The following XRN1 variants were observed in gnomAD, a reference collection of about 807,000 sequenced individuals.
XRN1 encodes strand-exchange protein 1 homolog.
In XRN1, 67 loss-of-function variants were observed where a neutral mutation model predicts 222.3. That is an observed-to-expected ratio of 0.30 (90% CI 0.25 to 0.37). The LOEUF is 0.37. XRN1 is among the 10% of genes least tolerant of loss of function. The probability of loss-of-function intolerance (pLI) is 1.00; values close to 1 mark genes in which losing one functional copy is unlikely to be tolerated. For synonymous variants in XRN1, 643 were observed against 652.4 expected (o/e 0.99, Z 0.22); for missense variants, 1,707 against 2,000.2 (o/e 0.85, Z 2.80).
At chr3:142,380,855 C>G (rs1213527002) in intron 22 of XRN1, among the ~76,000 whole-genome samples, 2 of 152,012 alleles carry the variant, frequency 1.3e-5, no homozygotes, top group Non-Finnish European at 2.9e-5. Flanking sequence ...GCCATGTTGC[C>G]CAGGCTGGTC....
At chr3:142,353,032 C>T (rs1249081450) in intron 32 of XRN1, among the ~76,000 whole-genome samples, 2 of 152,186 alleles carry the variant, frequency 1.3e-5, no homozygotes, top group African/African-American at 4.8e-5. Context: ...CTTTCTTTGT[C>T]TGAGTCTCTA....
chr3:142,412,702 C>A (rs764417982), intron 14 of XRN1, 39 bp from the exon 15 acceptor site: 1 of 1,366,526 alleles, frequency 7.3e-7, no homozygotes, highest in Non-Finnish European at 9.9e-7. Flanking sequence ...AATATAAGAA[C>A]TAATATCAAT....
At chr3:142,360,799 G>A (rs770718303) in intron 29 of XRN1, among the ~76,000 whole-genome samples, 5 of 151,370 alleles carry the variant, frequency 3.3e-5, no homozygotes, top group South Asian at 2.1e-4. Flanking sequence ...GCATGAACTC[G>A]GGAGGTGGAG....
intron 27 of XRN1, among the ~76,000 whole-genome samples, chr3:142,368,694 T>G (rs2066893957): frequency 6.6e-6 from 1 of 152,190 alleles, no homozygotes; most frequent in African/African-American, 2.4e-5. Context: ...AATACAGGCT[T>G]TCTATCCTCA....
chr3:142,400,460 A>C lies in XRN1; in HGVS notation c.2191T>G (p.Ser731Ala). Residue 731 changes from serine (S) to alanine (A), a missense_variant, in exon 19 of 41, where the codon TCA becomes GCA. Physicochemically the swap from Ser to Ala is moderately conservative, Grantham distance 99. Around this residue, in one of 2 missense-constraint regions of XRN1, gnomAD observed 1,234 missense variants for 1,518.2 expected, o/e 0.81. Coordinates refer to ENST00000392981, the MANE Select transcript of XRN1 (RefSeq NM_001282857.2). ...HLEEARVVAV[S>A]DGETKFYLEE... ...CTTACTTACTTAGTTTCTCCATCTGATACAGCCACGACTCTAGCTTCCTCA... is the reference window on the plus strand; with the variant it reads ...CTTACTTACTTAGTTTCTCCATCTGCTACAGCCACGACTCTAGCTTCCTCA... The C allele has an allele frequency of 6.2e-7, 1 of 1,610,124 alleles. No individual in the cohort carries two copies. Among genetic ancestry groups the C allele is most frequent in the Non-Finnish European group, 8.5e-7 (1 of 1,178,040 alleles).
intron 20 of XRN1, among the ~76,000 whole-genome samples, chr3:142,388,847 A>G (rs924675007): frequency 2.0e-5 from 3 of 152,220 alleles, no homozygotes; most frequent in Admixed American, 1.3e-4. Flanking sequence ...CATTTCAACA[A>G]TGTTCACAGC....
chr3:142,424,669 A>T (rs1439274050), intron 5 of XRN1, among the ~76,000 whole-genome samples: 3 of 152,174 alleles, frequency 2.0e-5, no homozygotes, highest in African/African-American at 7.2e-5. Context: ...ATTATGAAAC[A>T]TATACAAATT....
At chr3:142,431,881 ATAT>A (rs1559879458) in intron 2 of XRN1, among the ~76,000 whole-genome samples, 1,615 of 58,962 alleles carry the variant, frequency 0.027, 197 homozygotes, top group African/African-American at 0.15. Context: ...TATATTATAT[ATAT>A]TATATATAAT....
intron 22 of XRN1, 53 bp downstream of exon 22, chr3:142,383,247 G>A (rs2067368444): frequency 6.7e-6 from 9 of 1,351,928 alleles, no homozygotes; most frequent in Non-Finnish European, 8.3e-6. Flanking sequence ...GAGAAGTTAA[G>A]TAACTGCTTT....
chr3:142,335,081 T>A (rs1347526418), intron 34 of XRN1, among the ~76,000 whole-genome samples: 1 of 152,078 alleles, frequency 6.6e-6, no homozygotes, highest in East Asian at 1.9e-4. Flanking sequence ...CCTCAGGTGA[T>A]CCGCCCACCT....
chr3:142,437,626 G>A (rs2069975871), intron 1 of XRN1, among the ~76,000 whole-genome samples: 1 of 152,070 alleles, frequency 6.6e-6, no homozygotes. Context: ...CTAGGACATT[G>A]GTCTGGGCAA....
At chr3:142,407,193 T>C (rs1346332955) in intron 15 of XRN1, among the ~76,000 whole-genome samples, 2 of 152,184 alleles carry the variant, frequency 1.3e-5, no homozygotes, top group Admixed American at 6.5e-5. Flanking sequence ...AACAGTGATG[T>C]TTCATCAGCA....
rs779316292 is a variant in XRN1, at chr3:142,423,566, G to GT, written c.703dup (p.Thr235AsnfsTer25). The GT allele has an allele frequency of 2.5e-6, 4 of 1,599,906 alleles. No individual in the cohort carries two copies. In the Admixed American group the frequency reaches 5.3e-5, roughly 21 times the overall value. ...TATATGCTATATAATTTACCGTTGT[G>GT]TTTTTTTGCCACCAAATCGAACTTC... is the stretch of plus-strand genomic sequence containing the variant. On this transcript the variant is annotated frameshift_variant, in exon 6 of 41. Coordinates refer to ENST00000392981, the MANE Select transcript of XRN1 (RefSeq NM_001282857.2). LOFTEE classifies it high-confidence loss of function.
At chr3:142,321,726 A>G (rs992885862) in intron 37 of XRN1, among the ~76,000 whole-genome samples, 3 of 152,164 alleles carry the variant, frequency 2.0e-5, no homozygotes, top group African/African-American at 7.2e-5. Flanking sequence ...TTGATACTAT[A>G]AATAGTTTTG....
intron 9 of XRN1, 113 bp from the exon 10 acceptor site, chr3:142,421,266 C>T: frequency 9.1e-7 from 1 of 1,093,720 alleles, no homozygotes; most frequent in Non-Finnish European, 1.3e-6. Context: ...GAGAATGTTA[C>T]TCTTTTATAT....
At position 142,421,147 on chromosome 3, in the gene XRN1, G is replaced by C. The variant is rs773228906; in HGVS notation, c.1042C>G (p.Arg348Gly). Residue 348 changes from arginine (R) to glycine (G), a missense_variant, in exon 10 of 41, where the codon CGG becomes GGG. Arg to Gly is a moderately radical substitution (Grantham distance 125). Transcript: ENST00000392981. ...KYLVKLSDFD[R>G]EHFSEVFVDL... is the part of the protein sequence containing the mutation. ...ACAAAAACTTCACTGAAGTGCTCCC[G>C]ATCAAACTGTACAGAAATATTTAAA... 1 of 1,609,596 alleles carries C rather than the reference G, an allele frequency of 6.2e-7. No individual in the cohort carries two copies.
chr3:142,417,373 C>G (rs1166461702), intron 12 of XRN1, 144 bp from the exon 13 acceptor site: 1 of 641,764 alleles, frequency 1.6e-6, no homozygotes, highest in Non-Finnish European at 2.6e-6. Flanking sequence ...AATTATAATC[C>G]TAAAAACTCC....
intron 20 of XRN1, among the ~76,000 whole-genome samples, chr3:142,391,295 C>T (rs1000382900): frequency 1.3e-5 from 2 of 152,070 alleles, no homozygotes; most frequent in Admixed American, 6.6e-5. Context: ...GGCTGTATTT[C>T]GATGCTTCTA....
At chr3:142,445,824 C>G (rs1029821104) in intron 1 of XRN1, among the ~76,000 whole-genome samples, 3 of 152,172 alleles carry the variant, frequency 2.0e-5, no homozygotes, top group Admixed American at 6.5e-5. Flanking sequence ...TATGGTAGAC[C>G]TTCACCCAGT....
Sources: gnomAD v4.1 joint callset for allele counts (sites outside exome capture counted in the v4.1 genomes callset) on GRCh38, gnomAD v4.1.1 for gene constraint, gnomAD v4.1.1 regional missense constraint, MANE v1.5 for transcripts, NCBI Gene and HGNC (gene_info 2026-07-23, HGNC 2026-07-21) for gene names.